CDK14: variants seen among roughly 807,000 people sequenced by gnomAD.
CDK14 encodes cyclin dependent kinase 14, also known as cyclin-dependent kinase 14.
A neutral mutation model predicts 60.7 loss-of-function variants in CDK14; 34 were observed. The observed-to-expected ratio is 0.56, with a 90% CI of 0.43 to 0.75. CDK14 has a LOEUF of 0.75. Ranked by LOEUF, CDK14 falls within the 30% of genes least tolerant of loss-of-function variation. The pLI, the probability that CDK14 is intolerant of heterozygous loss-of-function variation, is 0.00. For synonymous variants in CDK14, 197 were observed against 203.7 expected (o/e 0.97, Z 0.28); for missense variants, 482 against 564.1 (o/e 0.85, Z 1.47).
At chr7:90,819,464 T>C (rs1184400831) in intron 5 of CDK14, among the ~76,000 whole-genome samples, 2 of 152,096 alleles carry the variant, frequency 1.3e-5, no homozygotes, top group Non-Finnish European at 2.9e-5. Flanking sequence ...CTGCAATTTG[T>C]GTTTTACATT....
chr7:90,913,609 T>C (rs1792979527), intron 7 of CDK14, among the ~76,000 whole-genome samples: 1 of 152,198 alleles, frequency 6.6e-6, no homozygotes, highest in African/African-American at 2.4e-5. Context: ...GTGTGGTAAA[T>C]GATTTTTAAG....
At chr7:90,763,932 C>G (rs917200777) in intron 4 of CDK14, among the ~76,000 whole-genome samples, 5 of 152,088 alleles carry the variant, frequency 3.3e-5, no homozygotes, top group East Asian at 1.9e-4. Flanking sequence ...TAATAGTGCT[C>G]TTTTTACTCT....
At chr7:90,643,638 C>T (rs541166254) in intron 2 of CDK14, among the ~76,000 whole-genome samples, 38 of 152,226 alleles carry the variant, frequency 2.5e-4, no homozygotes, top group Middle Eastern at 3.4e-3. Context: ...TGTGTCGAAC[C>T]GCTTTATAAT....
At chr7:90,863,371 AT>A in intron 6 of CDK14, 102 bp downstream of exon 6, 1 of 597,182 alleles carries the variant, frequency 1.7e-6, no homozygotes, top group Non-Finnish European at 2.9e-6. Context: ...ACTGAAGTTA[AT>A]ATTTTATCTG....
At chr7:90,695,991 T>A (rs1482419416) in intron 2 of CDK14, among the ~76,000 whole-genome samples, 1 of 152,152 alleles carries the variant, frequency 6.6e-6, no homozygotes, top group East Asian at 1.9e-4. Flanking sequence ...GAATGTAGAC[T>A]GCATCGGGAA....
intron 8 of CDK14, among the ~76,000 whole-genome samples, chr7:90,954,962 A>G (rs1452523355): frequency 1.3e-5 from 2 of 151,738 alleles, no homozygotes; most frequent in African/African-American, 2.4e-5. Context: ...ACAGACCTAC[A>G]AATATTTTTT....
chr7:91,096,065 C>A (rs372630040), intron 12 of CDK14, among the ~76,000 whole-genome samples: 223 of 64,530 alleles, frequency 3.5e-3, no homozygotes, highest in South Asian at 5.5e-3. Context: ...CACAATTTGC[C>A]AAAAAAAAAA....
At chr7:90,683,750 G>A (rs1457590379) in intron 2 of CDK14, among the ~76,000 whole-genome samples, 7 of 152,188 alleles carry the variant, frequency 4.6e-5, no homozygotes, top group Non-Finnish European at 7.3e-5. Context: ...GCAGTGAGTC[G>A]AGATTGTGAT....
chr7:90,783,003 C>T (rs1805410829), intron 4 of CDK14, among the ~76,000 whole-genome samples: 1 of 151,982 alleles, frequency 6.6e-6, no homozygotes, highest in Admixed American at 6.6e-5. Flanking sequence ...TGATAAGACC[C>T]TAAAATCCTT....
intron 2 of CDK14, among the ~76,000 whole-genome samples, chr7:90,710,720 C>G (rs1802029195): frequency 6.6e-6 from 1 of 151,984 alleles, no homozygotes; most frequent in African/African-American, 2.4e-5. Context: ...TCATGAAGGA[C>G]CGTGGTAGCA....
chr7:90,759,654 A>G (rs1804235678), intron 4 of CDK14, among the ~76,000 whole-genome samples: 1 of 152,212 alleles, frequency 6.6e-6, no homozygotes, highest in South Asian at 2.1e-4. Flanking sequence ...ACCCTACCTC[A>G]AGTAGTGAGT....
chr7:90,803,541 A>C (rs1451981645), intron 5 of CDK14, among the ~76,000 whole-genome samples: 1 of 152,108 alleles, frequency 6.6e-6, no homozygotes, highest in Non-Finnish European at 1.5e-5. Flanking sequence ...TTGGGTAATT[A>C]GGTAGATAGT....
chr7:91,142,309 C>A (rs1431200506), intron 14 of CDK14, among the ~76,000 whole-genome samples: 1 of 152,160 alleles, frequency 6.6e-6, no homozygotes, highest in Admixed American at 6.5e-5. Context: ...CCTTCTTTAG[C>A]AAAGGCTGTG....
intron 14 of CDK14, among the ~76,000 whole-genome samples, chr7:91,165,453 C>G (rs537331941): frequency 6.6e-6 from 1 of 151,616 alleles, no homozygotes. Context: ...CATTTAATCT[C>G]CGTGGGGCCT....
intron 3 of CDK14, among the ~76,000 whole-genome samples, chr7:90,727,205 T>A (rs1802667821): frequency 6.6e-6 from 1 of 152,136 alleles, no homozygotes; most frequent in Non-Finnish European, 1.5e-5. Flanking sequence ...AATATCAAAA[T>A]TTGTTCACTT....
At chr7:90,905,997 G>A (rs1468368736) in intron 7 of CDK14, among the ~76,000 whole-genome samples, 1 of 152,098 alleles carries the variant, frequency 6.6e-6, no homozygotes, top group Non-Finnish European at 1.5e-5. Flanking sequence ...TGAGAGACAA[G>A]GGTCTCCTCC....
intron 6 of CDK14, among the ~76,000 whole-genome samples, chr7:90,878,271 C>T (rs1225374225): frequency 6.6e-6 from 1 of 152,124 alleles, no homozygotes; most frequent in Non-Finnish European, 1.5e-5. Context: ...GTCAGCTCCT[C>T]CAGCATCTGC....
intron 2 of CDK14, among the ~76,000 whole-genome samples, chr7:90,677,989 C>T (rs1241125834): frequency 6.6e-6 from 1 of 152,104 alleles, no homozygotes; most frequent in Non-Finnish European, 1.5e-5. Flanking sequence ...TCGGCAGAGT[C>T]AACATTTGGG....
chr7:91,186,396 T>C (rs1423590734), intron 14 of CDK14, among the ~76,000 whole-genome samples: 1 of 150,378 alleles, frequency 6.6e-6, no homozygotes, highest in Non-Finnish European at 1.5e-5. Flanking sequence ...TCTGGTCATT[T>C]CCAATTTGGG....
Sources: gnomAD v4.1 joint callset for allele counts (sites outside exome capture counted in the v4.1 genomes callset) on GRCh38, gnomAD v4.1.1 for gene constraint, MANE v1.5 for transcripts, NCBI Gene and HGNC (gene_info 2026-07-23, HGNC 2026-07-21) for gene names.